Variants in GNAO1 observed in about 807,000 individuals in gnomAD.
GNAO1 encodes the protein G protein subunit alpha o1.
For synonymous variants in GNAO1, 164 were observed against 180.7 expected (o/e 0.91, Z 0.74); for missense variants, 166 against 478.7 (o/e 0.35, Z 6.10).
At chr16:56,277,776 TACACACACACACACAC>T (rs60891936) in intron 3 of GNAO1, among the ~76,000 whole-genome samples, 2,645 of 108,168 alleles carry the variant, frequency 0.024, 91 homozygotes, top group Middle Eastern at 0.064. Flanking sequence ...GCACACCCCC[TACACACACACACACAC>T]ACACACACAC....
At chr16:56,309,605 C>T (rs545962636) in intron 3 of GNAO1, among the ~76,000 whole-genome samples, 1 of 152,252 alleles carries the variant, frequency 6.6e-6, no homozygotes, top group African/African-American at 2.4e-5. Context: ...CCTGCAAGCA[C>T]TGTACATTCC....
At position 56,320,664 on chromosome 16, in the gene GNAO1, AG is replaced by A. The variant is rs555105553; in HGVS notation, c.304-7966del. Reference sequence around the variant, plus strand: ...GATGTTGGATTCCATGGTGGGTTCCAGCAGGTGCGGAATGATGAGGTGGGGG... The same window carrying A: ...GATGTTGGATTCCATGGTGGGTTCCACAGGTGCGGAATGATGAGGTGGGGG... On this transcript the variant is annotated intron_variant, in intron 3 of 8. Transcript: ENST00000262493. Among the ~76,000 whole-genome samples, 1,012 of 152,328 alleles carry A rather than the reference AG, an allele frequency of 6.6e-3. 7 individuals carry two copies. Among genetic ancestry groups the A allele is most frequent in the Non-Finnish European group, 0.011 (748 of 68,018 alleles).
chr16:56,219,148 G>A lies in GNAO1; in HGVS notation c.161+26532G>A, dbSNP rs532271115. ...CCTAATGTCAAGGACACGTGCCAAC[G>A]GACATGTTAGTGCACCCCGGGAGTG... On this transcript the variant is annotated intron_variant, in intron 2 of 8. Coordinates refer to ENST00000262493, the MANE Select transcript of GNAO1 (RefSeq NM_020988.3). 2.6e-5 allele frequency among the ~76,000 whole-genome samples: 4 copies of A among 152,272 alleles called. No homozygotes were observed. In the East Asian group the frequency reaches 7.7e-4, roughly 29 times the overall value.
chr16:56,305,560 AG>A (rs1462866454), intron 3 of GNAO1, among the ~76,000 whole-genome samples: 4 of 152,144 alleles, frequency 2.6e-5, no homozygotes, highest in African/African-American at 9.7e-5. Flanking sequence ...AAGCCTAGAA[AG>A]GGATGGGCGG....
chr16:56,193,911 T>G, intron 2 of GNAO1: 1 of 358,164 alleles, frequency 2.8e-6, no homozygotes, highest in Non-Finnish European at 5.5e-6. Flanking sequence ...CAAAAATGAT[T>G]ATTTTTCAAC....
At chr16:56,341,119 C>T (rs1020295141) in intron 6 of GNAO1, 11 of 731,780 alleles carry the variant, frequency 1.5e-5, no homozygotes, top group East Asian at 2.5e-5. Context: ...GTCCCCCACC[C>T]TGCCCCCAGA....
chr16:56,207,321 C>T (rs1368643851), intron 2 of GNAO1, among the ~76,000 whole-genome samples: 7 of 152,328 alleles, frequency 4.6e-5, no homozygotes, highest in Admixed American at 2.0e-4. Flanking sequence ...TAAATAAACA[C>T]ACTGCAGATA....
At chr16:56,310,716 A>C (rs1400233162) in intron 3 of GNAO1, among the ~76,000 whole-genome samples, 1 of 152,234 alleles carries the variant, frequency 6.6e-6, no homozygotes, top group Non-Finnish European at 1.5e-5. Flanking sequence ...CAATGGCAGA[A>C]TGTGTTAGTA....
intron 2 of GNAO1, among the ~76,000 whole-genome samples, chr16:56,257,711 T>A (rs1246366058): frequency 6.6e-6 from 1 of 152,246 alleles, no homozygotes; most frequent in Non-Finnish European, 1.5e-5. Context: ...TTCCATTAGT[T>A]TAGCACTTTT....
At chr16:56,220,745 T>C (rs1022072040) in intron 2 of GNAO1, among the ~76,000 whole-genome samples, 2 of 151,892 alleles carry the variant, frequency 1.3e-5, no homozygotes, top group African/African-American at 4.8e-5. Context: ...TTTTTTGTTG[T>C]TGTTGTTGTT....
chr16:56,236,300 T>C (rs1201076490), intron 2 of GNAO1, among the ~76,000 whole-genome samples: 2 of 152,212 alleles, frequency 1.3e-5, no homozygotes, highest in Non-Finnish European at 2.9e-5. Context: ...CTGGGTTAAC[T>C]GTATCTTTTC....
At chr16:56,271,356 G>A (rs1292161567) in intron 2 of GNAO1, among the ~76,000 whole-genome samples, 1 of 152,362 alleles carries the variant, frequency 6.6e-6, no homozygotes, top group East Asian at 1.9e-4. Flanking sequence ...TTAGCACAGA[G>A]GGTAAACCCT....
intron 2 of GNAO1, among the ~76,000 whole-genome samples, chr16:56,200,782 G>T (rs1236429685): frequency 1.3e-5 from 2 of 152,210 alleles, no homozygotes; most frequent in Non-Finnish European, 2.9e-5. Context: ...TCCTTCTGGA[G>T]GTGGTAGTAA....
rs1447727728 is a variant in GNAO1 at position 56,328,867 on chromosome 16, G to A, written c.464+76G>A. 10 of 1,463,596 alleles carry A rather than the reference G, an allele frequency of 6.8e-6. No individual in the cohort carries two copies. The South Asian group carries it at 9.6e-5, about 14-fold the overall frequency. 90.7% of individuals were successfully genotyped at this position (1,463,596 alleles called of 1,614,324 possible). A position where few individuals can be genotyped will look rare whatever the true frequency, so the allele number is the denominator to read the frequency against. On this transcript the variant is annotated intron_variant, in intron 4 of 8. Transcript: ENST00000262493. ...TGGAAGGGACTGGTGATGGGGATTG[G>A]CAGAGCAAGGAGGATTCTCGGCTGA...
intron 5 of GNAO1, 26 bp from the exon 6 acceptor site, chr16:56,336,705 G>T (rs373395629): frequency 1.3e-6 from 2 of 1,594,256 alleles, no homozygotes; most frequent in Non-Finnish European, 8.5e-7. Context: ...TGGACCCTGC[G>T]CCTACCAGCT....
intron 3 of GNAO1, among the ~76,000 whole-genome samples, chr16:56,321,661 G>A (rs1161819447): frequency 6.6e-6 from 1 of 152,124 alleles, no homozygotes; most frequent in Non-Finnish European, 1.5e-5. Flanking sequence ...TGGGAACTGG[G>A]GCTCTGCTGC....
intron 2 of GNAO1, among the ~76,000 whole-genome samples, chr16:56,240,771 TGAGCTATA>T (rs1190952019): frequency 1.3e-5 from 2 of 152,160 alleles, no homozygotes; most frequent in Non-Finnish European, 2.9e-5. Flanking sequence ...GACAAGCTTA[TGAGCTATA>T]GAGCAGGCTG....
intron 4 of GNAO1, 71 bp downstream of exon 4, chr16:56,328,862 G>A: frequency 6.7e-7 from 1 of 1,485,616 alleles, no homozygotes; most frequent in Non-Finnish European, 9.3e-7. Flanking sequence ...TGGTGATGGG[G>A]ATTGGCAGAG....
intron 2 of GNAO1, among the ~76,000 whole-genome samples, chr16:56,209,824 A>G (rs991437636): frequency 3.3e-5 from 5 of 152,072 alleles, no homozygotes; most frequent in Non-Finnish European, 7.4e-5. Context: ...ACACATGCCC[A>G]GCCTCCCCCT....
Sources: allele counts gnomAD v4.1 joint callset (sites outside exome capture counted in the v4.1 genomes callset), GRCh38; gene constraint gnomAD v4.1.1; transcripts MANE v1.5; gene names NCBI Gene and HGNC (gene_info 2026-07-23, HGNC 2026-07-21).